The following CLEC16A variants were observed in gnomAD, a reference collection of about 807,000 sequenced individuals.
The protein encoded by CLEC16A is protein CLEC16A.
A neutral mutation model predicts 109.5 loss-of-function variants in CLEC16A; 51 were observed. The observed-to-expected ratio is 0.47, with a 90% CI of 0.37 to 0.59. CLEC16A has a LOEUF of 0.59. CLEC16A is among the 20% of genes least tolerant of loss of function. The probability of loss-of-function intolerance (pLI) is 0.00; values close to 1 mark genes in which losing one functional copy is unlikely to be tolerated. For synonymous variants in CLEC16A, 673 were observed against 564.2 expected, an observed-to-expected ratio of 1.19 and a Z score of -2.73; for missense variants, 1,339 against 1,394.0, an observed-to-expected ratio of 0.96 and a Z score of 0.63.
chr16:10,971,059 A>T lies in CLEC16A; in HGVS notation c.493-66A>T, dbSNP rs188575867. The T allele has an allele frequency of 4.5e-4, 347 of 770,334 alleles. 2 individuals carry two copies. In the African/African-American group the frequency reaches 5.7e-3, roughly 13 times the overall value. 47.7% of individuals were successfully genotyped at this position (770,334 alleles called of 1,614,324 possible). ...CTGAAGTCTCTGATGGAATTCAGAG[A>T]GTTGGGGTGGGGCCAGGCCTGGCTT... On this transcript the variant is annotated intron_variant, in intron 4 of 23. Transcript: ENST00000409790.
At position 10,986,349 on chromosome 16, in the gene CLEC16A, CACA is replaced by C. The variant is rs1446801373; in HGVS notation, c.1071+3362_1071+3364del. Among the ~76,000 whole-genome samples, 11 of 152,104 alleles carry C rather than the reference CACA, an allele frequency of 7.2e-5. No homozygotes were observed. In the East Asian group the frequency reaches 1.9e-3, roughly 27 times the overall value. ...TGCATTTTTAGAGTTGTGATAAGAA[CACA>C]ACATGAGATCTACCCTTTTAACACA... On this transcript the variant is annotated intron_variant, in intron 10 of 23. Coordinates refer to ENST00000409790, the MANE Select transcript of CLEC16A (RefSeq NM_015226.3).
At chr16:11,155,326 CGTG>C (rs1280739252) in intron 22 of CLEC16A, among the ~76,000 whole-genome samples, 1 of 152,172 alleles carries the variant, frequency 6.6e-6, no homozygotes, top group Non-Finnish European at 1.5e-5. Context: ...GACACAGGCT[CGTG>C]GGGTGAACAG....
intron 7 of CLEC16A, among the ~76,000 whole-genome samples, chr16:10,975,797 C>A (rs1218352657): frequency 6.6e-6 from 1 of 151,988 alleles, no homozygotes; most frequent in African/African-American, 2.4e-5. Flanking sequence ...CAGGTGCATG[C>A]CACCACCCCT....
At chr16:11,075,428 A>ATGTGTGTGTGTG (rs112426314) in intron 19 of CLEC16A, among the ~76,000 whole-genome samples, 11 of 107,910 alleles carry the variant, frequency 1.0e-4, no homozygotes, top group African/African-American at 2.8e-4. Flanking sequence ...GTGTGTGTGT[A>ATGTGTGTGTGTG]TGTGTGTGTG....
chr16:11,051,691 C>T, intron 18 of CLEC16A, 50 bp downstream of exon 18: 5 of 1,600,490 alleles, frequency 3.1e-6, no homozygotes, highest in Non-Finnish European at 4.3e-6. Context: ...TCTCCAGAAC[C>T]ACTCCCAGAC....
chr16:11,023,098 G>GTT (rs200655375), intron 12 of CLEC16A, among the ~76,000 whole-genome samples: 8 of 131,826 alleles, frequency 6.1e-5, no homozygotes, highest in Non-Finnish European at 9.9e-5. Context: ...TTTTTTACCA[G>GTT]TTTTTTTTTT....
intron 19 of CLEC16A, among the ~76,000 whole-genome samples, chr16:11,075,402 GTGTGTGTGTC>G (rs2049302799): frequency 7.3e-6 from 1 of 137,906 alleles, no homozygotes; most frequent in African/African-American, 2.9e-5. Context: ...GTGTGTGTGT[GTGTGTGTGTC>G]TGTGTGTGTG....
chr16:11,042,441 A>G, intron 15 of CLEC16A, 78 bp downstream of exon 15: 2 of 1,169,028 alleles, frequency 1.7e-6, no homozygotes, highest in South Asian at 2.7e-5. Context: ...GCTGGCATCC[A>G]GATAGGAGCC....
chr16:11,166,454 C>T lies in CLEC16A; in HGVS notation c.2708C>T (p.Ser903Phe), dbSNP rs1567412489. Residue 903 changes from serine (S) to phenylalanine (F), a missense_variant, in exon 23 of 24, where the codon TCC (serine) becomes TTC (phenylalanine). Physicochemically the swap from Ser to Phe is radical, Grantham distance 155. Transcript: ENST00000409790. ...TCCCTGTCCTCACAGTCGCCACCCT[C>T]CGCCAGCGGGAGCCCCAGCGGCAGC... is the stretch of plus-strand genomic sequence containing the variant. ...SPSLSSQSPP[S>F]ASGSPSGSGS... 2 of 1,607,922 alleles carry T rather than the reference C, an allele frequency of 1.2e-6. No homozygotes were observed. Among genetic ancestry groups the T allele is most frequent in the Admixed American group, 1.7e-5 (1 of 59,992 alleles).
intron 10 of CLEC16A, among the ~76,000 whole-genome samples, chr16:10,993,610 G>A (rs2044161992): frequency 6.6e-6 from 1 of 152,216 alleles, no homozygotes; most frequent in South Asian, 2.1e-4. Flanking sequence ...GGCATGAGAT[G>A]TCAGGGCAGT....
intron 12 of CLEC16A, among the ~76,000 whole-genome samples, chr16:11,020,815 T>G (rs1199511936): frequency 6.6e-6 from 1 of 152,376 alleles, no homozygotes; most frequent in East Asian, 1.9e-4. Context: ...TGATTGTTCA[T>G]TTCATCGATG....
In CLEC16A at chr16:10,954,858, C is replaced by T. The variant is rs1019909492; in HGVS notation, c.81-2924C>T. On this transcript the variant is annotated intron_variant, in intron 1 of 23. Transcript: ENST00000409790. This position sits in a 1 kb window ranked among gnomAD's most constrained non-coding sequence, Gnocchi z 4.2. ...CTAGCCTGATCTCTTTTCTACCTTC[C>T]TGGAATATTCCTTAGATAATGTAGT... Among the ~76,000 whole-genome samples, 1 of 152,218 alleles carries T rather than the reference C, an allele frequency of 6.6e-6. No individual in the cohort carries two copies. The highest frequency in any genetic ancestry group is 1.5e-5 in the Non-Finnish European group (1 of 68,034).
At chr16:10,976,924 A>T (rs2043059000) in intron 7 of CLEC16A, among the ~76,000 whole-genome samples, 1 of 152,254 alleles carries the variant, frequency 6.6e-6, no homozygotes, top group African/African-American at 2.4e-5. Flanking sequence ...CTGGGGAGCC[A>T]GGGGATCTTG....
intron 22 of CLEC16A, among the ~76,000 whole-genome samples, chr16:11,137,920 C>T (rs924079202): frequency 2.0e-5 from 3 of 152,206 alleles, no homozygotes; most frequent in African/African-American, 7.2e-5. Context: ...AATCAAAAGG[C>T]AGAGATGCAG....
At chr16:11,108,413 A>G (rs1438969416) in intron 19 of CLEC16A, among the ~76,000 whole-genome samples, 1 of 152,260 alleles carries the variant, frequency 6.6e-6, no homozygotes, top group South Asian at 2.1e-4. Context: ...CTTGGCCACC[A>G]GGGAGTTAAA....
In CLEC16A at chr16:11,071,191, C is replaced by T. The variant is rs1249211449; in HGVS notation, c.2116+10169C>T. 3.9e-5 allele frequency: 6 copies of T among 152,174 alleles called. No homozygotes were observed. The East Asian group carries it at 1.2e-3, about 29-fold the overall frequency. The allele number at this position is 152,174 out of a possible 1,614,324, so 9.4% of individuals were successfully genotyped here. On this transcript the variant is annotated intron_variant, in intron 19 of 23. Coordinates refer to ENST00000409790, the MANE Select transcript of CLEC16A (RefSeq NM_015226.3). Reference sequence around the variant, plus strand: ...AATGTGAGCTCATTGATTTCTTTCTCTTGTAAAACCAGTACTAGTTTTGTG... The same window carrying T: ...AATGTGAGCTCATTGATTTCTTTCTTTTGTAAAACCAGTACTAGTTTTGTG...
chr16:11,102,372 G>A (rs1413180803), intron 19 of CLEC16A, among the ~76,000 whole-genome samples: 1 of 152,122 alleles, frequency 6.6e-6, no homozygotes, highest in African/African-American at 2.4e-5. Context: ...TGAGGTATAC[G>A]CTTTTGTTTA....
chr16:10,975,839 G>A (rs1236693988), intron 7 of CLEC16A, among the ~76,000 whole-genome samples: 1 of 151,882 alleles, frequency 6.6e-6, no homozygotes, highest in African/African-American at 2.4e-5. Context: ...TTTTAGTAGA[G>A]ACGGGTTTCA....
At chr16:11,126,317 C>G in intron 22 of CLEC16A, 171 bp downstream of exon 22, 1 of 1,498,934 alleles carries the variant, frequency 6.7e-7, no homozygotes. Flanking sequence ...AAACACAGCC[C>G]CCAAAATAAA....
Sources: allele counts gnomAD v4.1 joint callset (sites outside exome capture counted in the v4.1 genomes callset), GRCh38; gene constraint gnomAD v4.1.1; non-coding constraint Gnocchi (gnomAD v3.1); transcripts MANE v1.5; gene names NCBI Gene and HGNC (gene_info 2026-07-23, HGNC 2026-07-21).